RAET1E: variants seen among roughly 807,000 people sequenced by gnomAD.
RAET1E encodes the protein retinoic acid early transcript 1E, also known as NKG2D ligand 4.
RAET1E carries 27 observed loss-of-function variants against 21.1 expected under a neutral mutation model. That is an observed-to-expected ratio of 1.28 (90% CI 0.94 to 1.76). The LOEUF (loss-of-function observed/expected upper bound fraction) is 1.76. Ranked by LOEUF, RAET1E falls within the 40% of genes most tolerant of loss-of-function variation. RAET1E has a pLI of 0.00. For missense variants in RAET1E, 310 were observed against 311.3 expected (o/e 1.00, Z 0.03); for synonymous variants, 113 against 115.0 (o/e 0.98, Z 0.11).
intron 1 of RAET1E, among the ~76,000 whole-genome samples, chr6:149,896,514 G>A (rs1419646092): frequency 6.6e-6 from 1 of 152,192 alleles, no homozygotes; most frequent in African/African-American, 2.4e-5. Flanking sequence ...TCTGTCCTGA[G>A]TGGAGCCTGT....
At chr6:149,895,056 CA>C (rs937269740) in intron 2 of RAET1E, among the ~76,000 whole-genome samples, 6 of 152,160 alleles carry the variant, frequency 3.9e-5, no homozygotes, top group African/African-American at 1.4e-4. Flanking sequence ...GGTCCACTCC[CA>C]ACCCTGTTTA....
chr6:149,884,836 G>A lies in RAET1E; in HGVS notation c.*3662C>T, dbSNP rs909757985. On this transcript the variant is annotated 3_prime_UTR_variant, in exon 6 of 6. Coordinates refer to ENST00000357183, the MANE Select transcript of RAET1E (RefSeq NM_001394057.1). ...CCTGCGGCAGGTCCAGAGCACTGAG[G>A]GTGGGGCTTGGCACGACGCCATTTG... Among the ~76,000 whole-genome samples the A allele has an allele frequency of 1.4e-4, 21 of 152,266 alleles. No individual in the cohort carries two copies. Among genetic ancestry groups the A allele is most frequent in the African/African-American group, 4.8e-4 (20 of 41,548 alleles).
intron 2 of RAET1E, among the ~76,000 whole-genome samples, chr6:149,893,424 G>T (rs1005623193): frequency 6.6e-6 from 1 of 152,108 alleles, no homozygotes; most frequent in Non-Finnish European, 1.5e-5. Context: ...TACATCCCTT[G>T]TAAGTTGTAT....
chr6:149,889,055 G>T, intron 5 of RAET1E: 1 of 1,357,758 alleles, frequency 7.4e-7, no homozygotes, highest in Non-Finnish European at 9.5e-7. Flanking sequence ...AGGAAGAGAA[G>T]GCCTGGATGT....
intron 2 of RAET1E, among the ~76,000 whole-genome samples, chr6:149,892,573 T>C (rs1468215768): frequency 6.6e-6 from 1 of 152,192 alleles, no homozygotes; most frequent in African/African-American, 2.4e-5. Flanking sequence ...TCTAGTAAAT[T>C]TGTTTAAGTT....
rs757162548 is a variant in RAET1E at position 149,887,967 on chromosome 6, C to T, written c.*531G>A. Among the ~76,000 whole-genome samples, 9 of 152,208 alleles carry T rather than the reference C, an allele frequency of 5.9e-5. No individual in the cohort carries two copies. In the East Asian group the frequency reaches 1.2e-3, roughly 20 times the overall value. On this transcript the variant is annotated 3_prime_UTR_variant, in exon 6 of 6. Transcript: ENST00000357183. ...CTGTAATCCCAGCGCTTTGGGAGGC[C>T]GAGGCGGGAGCATCACCTGAGGTCG... is the stretch of plus-strand genomic sequence containing the variant.
chr6:149,886,745 G>A lies in RAET1E; in HGVS notation c.*1753C>T, dbSNP rs1360970593. The stretch of plus-strand genomic sequence containing the variant: ...GGCCCTTCTTGGTGAATGTCCCTGT[G>A]TATTTGAAAAGACACTCCCTGTCAA... On this transcript the variant is annotated 3_prime_UTR_variant, in exon 6 of 6. Coordinates refer to ENST00000357183, the MANE Select transcript of RAET1E (RefSeq NM_001394057.1). Among the ~76,000 whole-genome samples the A allele has an allele frequency of 6.6e-6, 1 of 152,198 alleles. No homozygotes were observed. Among genetic ancestry groups the A allele is most frequent in the Admixed American group, 6.5e-5 (1 of 15,278 alleles).
At chr6:149,893,556 C>T (rs1338916308) in intron 2 of RAET1E, among the ~76,000 whole-genome samples, 1 of 152,102 alleles carries the variant, frequency 6.6e-6, no homozygotes, top group African/African-American at 2.4e-5. Flanking sequence ...GATTTTGTAT[C>T]CTGAGACTTT....
intron 2 of RAET1E, among the ~76,000 whole-genome samples, chr6:149,895,307 C>G (rs940558365): frequency 4.6e-5 from 7 of 152,226 alleles, no homozygotes; most frequent in African/African-American, 1.7e-4. Flanking sequence ...GTCTGCTGCC[C>G]TCTTCAGAGC....
In RAET1E at chr6:149,890,752, C is replaced by T. The variant is rs1193088367; in HGVS notation, c.85+65G>A. 16 of 1,132,492 alleles carry T rather than the reference C, an allele frequency of 1.4e-5. No individual in the cohort carries two copies. The East Asian group carries it at 1.7e-4, about 12-fold the overall frequency. 70.2% of individuals were successfully genotyped at this position (1,132,492 alleles called of 1,614,324 possible). A position where few individuals can be genotyped will look rare whatever the true frequency, so the allele number is the denominator to read the frequency against. ...TCTGAAGCCTGCATGAAGCCCCATT[C>T]GCCTACCCCCTACCTTTCTCCCTCC... On this transcript the variant is annotated intron_variant, in intron 3 of 5. Coordinates refer to ENST00000357183, the MANE Select transcript of RAET1E (RefSeq NM_001394057.1).
Position 149,884,230 on chromosome 6 carries a change from G to A in RAET1E, c.*4268C>T, listed in dbSNP as rs1777511398. 2.2e-6 allele frequency: 1 copy of A among 452,274 alleles called. No homozygotes were observed. Among genetic ancestry groups the A allele is most frequent in the Admixed American group, 3.3e-5 (1 of 30,380 alleles). The allele number at this position is 452,274 out of a possible 1,614,324, so 28.0% of individuals were successfully genotyped here. On this transcript the variant is annotated 3_prime_UTR_variant, in exon 6 of 6. Coordinates refer to ENST00000357183, the MANE Select transcript of RAET1E (RefSeq NM_001394057.1). ...TGGGCTCAAGTGATCCTCCTGCCTA[G>A]GCCTCCCAAAGTGTTGGGATTATAG...
chr6:149,896,819 C>T (rs1778134906), intron 1 of RAET1E, among the ~76,000 whole-genome samples: 1 of 152,036 alleles, frequency 6.6e-6, no homozygotes, highest in South Asian at 2.1e-4. Flanking sequence ...GCCAACCTAA[C>T]ACTGAAGAAA....
At chr6:149,891,363 C>T (rs1330387380) in intron 2 of RAET1E, among the ~76,000 whole-genome samples, 1 of 152,154 alleles carries the variant, frequency 6.6e-6, no homozygotes, top group Non-Finnish European at 1.5e-5. Context: ...CTCCCACTGT[C>T]CCTAACCCGT....
At position 149,885,287 on chromosome 6, in the gene RAET1E, C is replaced by A. The variant is rs961219083; in HGVS notation, c.*3211G>T. The stretch of plus-strand genomic sequence containing the variant: ...GTGGATGCATTAATTTGGAAAGGTC[C>A]CTGTTCACCTCAGGGCCCACTTGCA... On this transcript the variant is annotated 3_prime_UTR_variant, in exon 6 of 6. Transcript: ENST00000357183. Among the ~76,000 whole-genome samples the A allele has an allele frequency of 6.6e-6, 1 of 152,098 alleles. No homozygotes were observed. The highest frequency in any genetic ancestry group is 2.4e-5 in the African/African-American group (1 of 41,402).
chr6:149,889,609 G>A lies in RAET1E; in HGVS notation c.361C>T (p.Gln121Ter). ...QIKTSDPSTL[Q>*]VEMFCQREAE... Reference sequence around the variant, plus strand: ...TCACGTTGACAAAACATCTCGACTTGCAGAGTGGAAGGATCTGCAATCCAA... The same window carrying A: ...TCACGTTGACAAAACATCTCGACTTACAGAGTGGAAGGATCTGCAATCCAA... The change falls in exon 5 of 6, where the codon CAA becomes TAA. Residue 121 changes from glutamine (Q) to a stop codon, truncating the protein, a stop_gained. Coordinates refer to ENST00000357183, the MANE Select transcript of RAET1E (RefSeq NM_001394057.1). LOFTEE classifies it high-confidence loss of function. 6.2e-7 allele frequency: 1 copy of A among 1,614,140 alleles called. No individual in the cohort carries two copies. The highest frequency in any genetic ancestry group is 1.3e-5 in the African/African-American group (1 of 75,036).
At chr6:149,890,355 T>C (rs990612177) in intron 3 of RAET1E, among the ~76,000 whole-genome samples, 5 of 152,066 alleles carry the variant, frequency 3.3e-5, no homozygotes, top group Admixed American at 3.3e-4. Flanking sequence ...ACCCCTGGGG[T>C]GCACTTAGTG....
At position 149,889,516 on chromosome 6, in the gene RAET1E, C is replaced by T. The variant is rs143655455; in HGVS notation, c.454G>A (p.Ala152Thr). The T allele has an allele frequency of 3.3e-4, 532 of 1,614,132 alleles. 1 individual carries two copies. The African/African-American group carries it at 6.1e-3, about 18-fold the overall frequency. The change falls in exon 5 of 6, where the codon GCA becomes ACA. Residue 152 changes from alanine (A) to threonine (T), a missense_variant. Ala to Thr is a moderately conservative substitution (Grantham distance 58). Transcript: ENST00000357183. ...TNGEKSLLFD[A>T]MNMTWTVINH... ...ATTACTGTCCAGGTCATGTTCATTG[C>T]GTCAAAGAGGAGGGATTTCTCTCCA...
At chr6:149,897,064 T>C (rs563800024) in intron 1 of RAET1E, among the ~76,000 whole-genome samples, 73 of 152,330 alleles carry the variant, frequency 4.8e-4, no homozygotes, top group African/African-American at 1.6e-3. Flanking sequence ...GACCAGGTCT[T>C]GCTCTGTCAT....
In RAET1E at chr6:149,889,907, G is replaced by A. The variant is rs1777803233; in HGVS notation, c.324C>T (p.Ile108=). The A allele has an allele frequency of 6.2e-7, 1 of 1,613,536 alleles. No homozygotes were observed. The highest frequency in any genetic ancestry group is 1.3e-5 in the African/African-American group (1 of 74,846). ...TACCACTGGTCTTTATCTGGGGTTTGATGTCACAAAGGAGCATCCTGAGGT... is the reference window on the plus strand; with the variant it reads ...TACCACTGGTCTTTATCTGGGGTTTAATGTCACAAAGGAGCATCCTGAGGT... ...GRDLRMLLCD[I]KPQIKTSDPS... is the part of the protein sequence containing the mutation. Residue 108 remains isoleucine, a synonymous_variant, in exon 4 of 6, where the codon ATC becomes ATT. Coordinates refer to ENST00000357183, the MANE Select transcript of RAET1E (RefSeq NM_001394057.1).
Sources: gnomAD v4.1 joint callset for allele counts (sites outside exome capture counted in the v4.1 genomes callset) on GRCh38, gnomAD v4.1.1 for gene constraint, MANE v1.5 for transcripts, NCBI Gene and HGNC (gene_info 2026-07-23, HGNC 2026-07-21) for gene names.